Variants in PHEX observed in about 807,000 individuals in gnomAD.
The protein encoded by PHEX is phosphate-regulating neutral endopeptidase PHEX.
PHEX carries 16 observed loss-of-function variants against 68.0 expected under a neutral mutation model. The ratio of observed to expected loss-of-function variants is 0.24; its 90% CI spans 0.16 to 0.36. PHEX has a LOEUF of 0.36. PHEX is among the 10% of genes least tolerant of loss of function. The probability of loss-of-function intolerance (pLI) is 1.00; values close to 1 mark genes in which losing one functional copy is unlikely to be tolerated. For missense variants in PHEX, 480 were observed against 575.5 expected (o/e 0.83, Z 1.70); for synonymous variants, 208 against 205.1 (o/e 1.01, Z -0.12).
intron 20 of PHEX, among the ~76,000 whole-genome samples, chrX:22,228,889 A>C (rs1935607639): frequency 9.1e-6 from 1 of 110,129 alleles, no homozygotes; most frequent in Non-Finnish European, 1.9e-5. Context: ...CCCCCAACCA[A>C]CCCTCTGACA....
intron 12 of PHEX, among the ~76,000 whole-genome samples, chrX:22,155,121 G>A (rs1932923108): frequency 8.9e-6 from 1 of 112,214 alleles, no homozygotes; most frequent in South Asian, 3.7e-4. Flanking sequence ...CATATTGGTC[G>A]GGCTAGTTTC....
rs1467279600 is a variant in PHEX, at chrX:22,063,451, G to A, written c.350-12937G>A. Among the ~76,000 whole-genome samples, 3 of 112,516 alleles carry A rather than the reference G, an allele frequency of 2.7e-5. No individual in the cohort carries two copies. The East Asian group carries it at 8.3e-4, about 31-fold the overall frequency. ...CAGCCTGGAATCTCTGAGCTGTGGA[G>A]AAGAGGAAGTTGGGGTTTGAAAGCT... On this transcript the variant is annotated intron_variant, in intron 3 of 21. Transcript: ENST00000379374.
intron 5 of PHEX, among the ~76,000 whole-genome samples, chrX:22,081,677 G>A (rs1171380134): frequency 9.0e-6 from 1 of 111,263 alleles, no homozygotes; most frequent in Admixed American, 9.6e-5. Context: ...TTGGCCAGCA[G>A]GGGTCGCTCT....
chrX:22,151,658 A>G (rs766388362), intron 12 of PHEX, among the ~76,000 whole-genome samples: 1 of 111,788 alleles, frequency 8.9e-6, no homozygotes, highest in South Asian at 3.8e-4. Flanking sequence ...TGCTGGTAAA[A>G]TCTAATTTAC....
At chrX:22,171,144 G>A (rs1162099560) in intron 13 of PHEX, 4 of 111,790 alleles carry the variant, frequency 3.6e-5, no homozygotes, top group Non-Finnish European at 5.6e-5. Context: ...GAGGAAAGAG[G>A]TTTAATTGAC....
At chrX:22,046,128 C>T (rs1171892863) in intron 2 of PHEX, among the ~76,000 whole-genome samples, 8 of 111,641 alleles carry the variant, frequency 7.2e-5, no homozygotes, top group African/African-American at 2.3e-4. Flanking sequence ...GACTGGAAGG[C>T]GAATGATGGC....
intron 5 of PHEX, 129 bp from the exon 6 acceptor site, chrX:22,090,300 G>A (rs1929821829): frequency 2.0e-5 from 11 of 540,343 alleles, no homozygotes; most frequent in Non-Finnish European, 3.6e-5. Flanking sequence ...TGAGTGTACT[G>A]AATTGTTTTT....
intron 9 of PHEX, among the ~76,000 whole-genome samples, chrX:22,103,196 G>C (rs768558843): frequency 8.9e-6 from 1 of 111,907 alleles, no homozygotes; most frequent in Admixed American, 9.5e-5. Flanking sequence ...AGATGCTAGC[G>C]TATTGTACCC....
intron 11 of PHEX, among the ~76,000 whole-genome samples, chrX:22,126,184 G>GAT (rs1931713221): frequency 8.9e-6 from 1 of 112,154 alleles, no homozygotes; most frequent in Non-Finnish European, 1.9e-5. Context: ...ACATATTCAT[G>GAT]ATCTCATTTG....
chrX:22,113,943 C>CTTTTTTTTT (rs746349559), intron 10 of PHEX, among the ~76,000 whole-genome samples: 4 of 63,973 alleles, frequency 6.3e-5, no homozygotes, highest in East Asian at 5.2e-4. Flanking sequence ...TCTTCTTCTT[C>CTTTTTTTTT]TTTTTTTTTT....
chrX:22,094,253 A>G (rs183566528), intron 7 of PHEX, among the ~76,000 whole-genome samples, 154 bp downstream of exon 7: 8 of 112,378 alleles, frequency 7.1e-5, no homozygotes, highest in East Asian at 5.6e-4. Context: ...CATTGGGCCC[A>G]AGGTAGAACT....
chrX:22,114,380 T>C, intron 10 of PHEX, 78 bp from the exon 11 acceptor site: 1 of 962,568 alleles, frequency 1.0e-6, no homozygotes, highest in African/African-American at 1.9e-5. Flanking sequence ...TAGACTGTTT[T>C]CTTCAGGTTG....
Position 22,094,079 on chromosome X carries a change from T to C in PHEX, c.829T>C (p.Leu277=), listed in dbSNP as rs761416628. The C allele has an allele frequency of 4.3e-6, 5 of 1,163,380 alleles. No homozygotes were observed. Among genetic ancestry groups the C allele is most frequent in the South Asian group, 1.8e-5 (1 of 55,713 alleles). ...AEHDMKSVLR[L]EIKIAEIMIP... is the part of the protein sequence containing the mutation. ...GCATGACATGAAGTCAGTGCTCAGA[T>C]TGGAAATTAAGATAGCTGAGGTAAG... The change falls in exon 7 of 22, where the codon TTG becomes CTG. Residue 277 remains leucine, a synonymous_variant. Transcript: ENST00000379374.
intron 15 of PHEX, among the ~76,000 whole-genome samples, chrX:22,194,300 C>G (rs1321233632): frequency 8.9e-6 from 1 of 112,137 alleles, no homozygotes; most frequent in Non-Finnish European, 1.9e-5. Flanking sequence ...GGCAAGATGA[C>G]AAGGAATCCT....
At chrX:22,129,757 C>G (rs1026761016) in intron 11 of PHEX, among the ~76,000 whole-genome samples, 3 of 111,684 alleles carry the variant, frequency 2.7e-5, no homozygotes, top group African/African-American at 9.8e-5. Flanking sequence ...AATCTCTCAG[C>G]TTTTCAACAA....
At chrX:22,086,594 A>T (rs1452618190) in intron 5 of PHEX, among the ~76,000 whole-genome samples, 1 of 111,061 alleles carries the variant, frequency 9.0e-6, no homozygotes, top group African/African-American at 3.3e-5. Flanking sequence ...TCAGCAACTG[A>T]TTCATCCTTA....
At chrX:22,180,665 T>G (rs770676760) in intron 14 of PHEX, among the ~76,000 whole-genome samples, 2 of 111,967 alleles carry the variant, frequency 1.8e-5, no homozygotes, top group South Asian at 7.5e-4. Flanking sequence ...TATTTTTAAA[T>G]CTATAAAAAG....
chrX:22,216,335 C>G (rs1285643322), intron 16 of PHEX, among the ~76,000 whole-genome samples: 1 of 111,387 alleles, frequency 9.0e-6, no homozygotes, highest in Non-Finnish European at 1.9e-5. Flanking sequence ...GTTAAACCCA[C>G]TGAGTAATTA....
At chrX:22,243,329 C>T (rs1276627849) in intron 20 of PHEX, among the ~76,000 whole-genome samples, 1 of 111,986 alleles carries the variant, frequency 8.9e-6, no homozygotes, top group Non-Finnish European at 1.9e-5. Context: ...CATAAAAATC[C>T]TAGAAGAAAA....
Sources: allele counts gnomAD v4.1 joint callset (sites outside exome capture counted in the v4.1 genomes callset), GRCh38; gene constraint gnomAD v4.1.1; transcripts MANE v1.5; gene names NCBI Gene and HGNC (gene_info 2026-07-23, HGNC 2026-07-21).